Variants in ERCC6L2 observed in about 807,000 individuals in gnomAD.
ERCC6L2 encodes DNA excision repair protein ERCC-6-like 2.
ERCC6L2 carries 77 observed loss-of-function variants against 132.0 expected under a neutral mutation model. The observed-to-expected ratio is 0.58, with a 90% CI of 0.49 to 0.71. ERCC6L2 has a LOEUF of 0.71. ERCC6L2 is among the 30% of genes least tolerant of loss of function. The pLI is 0.00. For synonymous variants in ERCC6L2, 583 were observed against 632.4 expected (o/e 0.92, Z 1.17); for missense variants, 1,542 against 1,837.6 (o/e 0.84, Z 2.94).
At chr9:95,986,578 C>T (rs1231136630) in intron 17 of ERCC6L2, among the ~76,000 whole-genome samples, 1 of 150,796 alleles carries the variant, frequency 6.6e-6, no homozygotes, top group Non-Finnish European at 1.5e-5. Context: ...CTCACTGCAA[C>T]CCCTGCCTCC....
intron 13 of ERCC6L2, among the ~76,000 whole-genome samples, chr9:95,964,488 A>G (rs117984265): frequency 1.3e-5 from 2 of 152,290 alleles, no homozygotes; most frequent in East Asian, 3.9e-4. Flanking sequence ...TAAGGGTCAG[A>G]TGTGCACATC....
intron 17 of ERCC6L2, among the ~76,000 whole-genome samples, chr9:95,994,088 T>G (rs1394140443): frequency 6.6e-6 from 1 of 152,204 alleles, no homozygotes; most frequent in Non-Finnish European, 1.5e-5. Context: ...CCTTGAATGA[T>G]GTTGAGGATT....
intron 19 of ERCC6L2, among the ~76,000 whole-genome samples, chr9:96,024,674 T>C (rs1184478175): frequency 6.6e-6 from 1 of 152,206 alleles, no homozygotes; most frequent in Non-Finnish European, 1.5e-5. Context: ...AATTCATTTA[T>C]GGGTGATCAG....
At chr9:95,981,026 T>G (rs1832870873) in intron 17 of ERCC6L2, among the ~76,000 whole-genome samples, 1 of 152,176 alleles carries the variant, frequency 6.6e-6, no homozygotes, top group African/African-American at 2.4e-5. Context: ...CTGTAGCCAG[T>G]TGCAGACGTA....
In ERCC6L2 at chr9:95,915,818, T is replaced by C; in HGVS notation, c.939T>C (p.Cys313=). The change falls in exon 5 of 19, where the codon TGT becomes TGC. Residue 313 remains cysteine, a synonymous_variant. Coordinates refer to ENST00000653738, the MANE Select transcript of ERCC6L2 (RefSeq NM_020207.7). ...ILQNNMKELW[C]VMDWAVPGLL... ...AGAACAACATGAAGGAACTGTGGTGTGTTATGGACTGGTGAGAGAAAACAC... is the reference window on the plus strand; with the variant it reads ...AGAACAACATGAAGGAACTGTGGTGCGTTATGGACTGGTGAGAGAAAACAC... The C allele has an allele frequency of 6.3e-7, 1 of 1,599,530 alleles. No individual in the cohort carries two copies. Among genetic ancestry groups the C allele is most frequent in the East Asian group, 2.2e-5 (1 of 44,690 alleles).
chr9:96,021,002 CA>C (rs761652360), downstream of ERCC6L2: 16 of 456,472 alleles, frequency 3.5e-5, 1 homozygote, highest in South Asian at 2.5e-4. This position sits in a 1 kb window ranked among gnomAD's most constrained non-coding sequence, Gnocchi z 4.7. Context: ...ACTGTTGGAC[CA>C]AAAGTCCTCA....
At chr9:96,022,891 G>T (rs892184711), downstream of ERCC6L2, among the ~76,000 whole-genome samples, 5 of 152,168 alleles carry the variant, frequency 3.3e-5, no homozygotes, top group African/African-American at 1.2e-4. Flanking sequence ...AGGCCGGCTT[G>T]TGCTGCTCCA....
intron 13 of ERCC6L2, among the ~76,000 whole-genome samples, chr9:95,962,331 A>T (rs1831945053): frequency 6.6e-6 from 1 of 152,146 alleles, no homozygotes; most frequent in South Asian, 2.1e-4. Context: ...TTGAGAGTAC[A>T]ACTGGTATAG....
chr9:95,971,524 AATCTGTCTTATTCTT>A, intron 15 of ERCC6L2: 1 of 152,888 alleles, frequency 6.5e-6, no homozygotes, highest in South Asian at 2.1e-4. Flanking sequence ...TAACTCCTGT[AATCTGTCTTATTCTT>A]AAAGCGTGAT....
chr9:95,936,053 G>C (rs1341758438), intron 11 of ERCC6L2, among the ~76,000 whole-genome samples: 1 of 152,142 alleles, frequency 6.6e-6, no homozygotes, highest in Non-Finnish European at 1.5e-5. Flanking sequence ...ATACATGCAA[G>C]TGCAATCTAA....
In ERCC6L2 at chr9:95,972,182, G is replaced by A. The variant is rs1564275526; in HGVS notation, c.2431G>A (p.Gly811Arg). The change falls in exon 16 of 19, where the codon GGA becomes AGA. Residue 811 changes from glycine to arginine, a missense_variant. Gly to Arg is a moderately radical substitution (Grantham distance 125). Coordinates refer to ENST00000653738, the MANE Select transcript of ERCC6L2 (RefSeq NM_020207.7). ...ATGTAAAGCAGTTGAGGATAGTGAT[G>A]GAAATACTGCCTCTGATGATGAAAG... ...TKCKAVEDSD[G>R]NTASDDESSD... 2.3e-6 allele frequency: 3 copies of A among 1,304,224 alleles called. No homozygotes were observed. Among genetic ancestry groups the A allele is most frequent in the Middle Eastern group, 4.3e-4 (2 of 4,698 alleles). 80.8% of individuals were successfully genotyped at this position (1,304,224 alleles called of 1,614,324 possible). A position where few individuals can be genotyped will look rare whatever the true frequency, so the allele number is the denominator to read the frequency against.
rs901268792 is a variant in ERCC6L2 at position 95,941,489 on chromosome 9, A to G, written c.1787A>G (p.Asn596Ser). The G allele has an allele frequency of 5.0e-6, 8 of 1,613,110 alleles. No individual in the cohort carries two copies. Among genetic ancestry groups the G allele is most frequent in the Non-Finnish European group, 6.8e-6 (8 of 1,179,592 alleles). The change falls in exon 12 of 19, where the codon AAT becomes AGT. Residue 596 changes from asparagine to serine, a missense_variant. Transcript: ENST00000653738. ...GGLGLNFVGA[N>S]VVVLFDPTWN... is the part of the protein sequence containing the mutation. The stretch of plus-strand genomic sequence containing the variant: ...CTAGGCCTCAATTTTGTCGGTGCCA[A>G]TGTTGTTGTATTATTTGATCCTACT...
chr9:95,957,144 C>T (rs565105154), intron 13 of ERCC6L2, among the ~76,000 whole-genome samples: 2 of 152,212 alleles, frequency 1.3e-5, no homozygotes, highest in South Asian at 4.1e-4. Context: ...TGCCTCTAAA[C>T]AAACAATATT....
chr9:95,926,538 A>G (rs951180394), intron 9 of ERCC6L2, among the ~76,000 whole-genome samples: 2 of 152,200 alleles, frequency 1.3e-5, no homozygotes, highest in Non-Finnish European at 2.9e-5. Flanking sequence ...AAAAGGCTAC[A>G]TACTGTATAA....
chr9:95,975,856 T>C (rs142019535), intron 16 of ERCC6L2, among the ~76,000 whole-genome samples: 2 of 152,286 alleles, frequency 1.3e-5, no homozygotes, highest in African/African-American at 4.8e-5. Context: ...CCTTCTAGTT[T>C]AGTCTTCATT....
intron 19 of ERCC6L2, chr9:96,025,822 C>T (rs1834352815): frequency 6.6e-6 from 1 of 152,174 alleles, no homozygotes. Flanking sequence ...GACCATGCCT[C>T]TGAGATCACT....
At chr9:95,925,653 A>G (rs1040750591) in intron 9 of ERCC6L2, among the ~76,000 whole-genome samples, 1 of 152,216 alleles carries the variant, frequency 6.6e-6, no homozygotes, top group Non-Finnish European at 1.5e-5. Context: ...GTCTAAAAAC[A>G]TTTACTTTTC....
chr9:95,891,645 A>G (rs1828172483), intron 2 of ERCC6L2, among the ~76,000 whole-genome samples: 3 of 151,024 alleles, frequency 2.0e-5, no homozygotes, highest in Non-Finnish European at 4.4e-5. Context: ...TGGCTAAAAC[A>G]TTTTACATTC....
chr9:95,995,060 G>A (rs1225585870), intron 17 of ERCC6L2, among the ~76,000 whole-genome samples: 2 of 152,186 alleles, frequency 1.3e-5, no homozygotes, highest in Admixed American at 1.3e-4. Flanking sequence ...ATATGTAGCT[G>A]AGTAAATAGA....
Sources: allele counts gnomAD v4.1 joint callset (sites outside exome capture counted in the v4.1 genomes callset), GRCh38; gene constraint gnomAD v4.1.1; non-coding constraint Gnocchi (gnomAD v3.1); transcripts MANE v1.5; gene names NCBI Gene and HGNC (gene_info 2026-07-23, HGNC 2026-07-21).